Variants in SUGCT observed in about 807,000 individuals in gnomAD.
SUGCT encodes succinyl-CoA:glutarate CoA-transferase.
SUGCT carries 41 observed loss-of-function variants against 55.0 expected under a neutral mutation model. The ratio of observed to expected loss-of-function variants is 0.74; its 90% CI spans 0.58 to 0.97. The LOEUF is 0.97. Ranked by LOEUF, SUGCT falls within the 50% of genes least tolerant of loss-of-function variation. The pLI is 0.00. For synonymous variants in SUGCT, 187 were observed against 200.4 expected (o/e 0.93, Z 0.56); for missense variants, 568 against 547.8 (o/e 1.04, Z -0.37).
At chr7:40,464,085 T>C (rs968814326) in intron 11 of SUGCT, among the ~76,000 whole-genome samples, 5 of 152,162 alleles carry the variant, frequency 3.3e-5, no homozygotes, top group Admixed American at 2.6e-4. Flanking sequence ...GATGTATTAG[T>C]GTTTGGGGAG....
the SUGCT span, among the ~76,000 whole-genome samples, chr7:40,900,445 T>G: frequency 6.6e-6 from 1 of 152,220 alleles, no homozygotes; most frequent in Non-Finnish European, 1.5e-5. Flanking sequence ...ATAAAACACA[T>G]AGTCATTCAA....
chr7:40,859,693 T>A (rs984181372), intron 13 of SUGCT, among the ~76,000 whole-genome samples: 7 of 152,190 alleles, frequency 4.6e-5, no homozygotes, highest in Non-Finnish European at 8.8e-5. Context: ...ACATCCAGAT[T>A]ATGGTGTGAA....
chr7:40,346,745 G>A (rs11772072), intron 9 of SUGCT, among the ~76,000 whole-genome samples: 108,816 of 151,982 alleles, frequency 0.72, 39,355 homozygotes, highest in East Asian at 0.99. Context: ...ATGACGTCAT[G>A]AGGGTGGAGC....
At chr7:40,349,908 G>C (rs1233247203) in intron 9 of SUGCT, among the ~76,000 whole-genome samples, 1 of 152,130 alleles carries the variant, frequency 6.6e-6, no homozygotes, top group African/African-American at 2.4e-5. Flanking sequence ...GTCTGGTCTT[G>C]AACTTTTGAG....
chr7:40,222,545 T>G (rs1788075165), intron 6 of SUGCT, among the ~76,000 whole-genome samples: 1 of 152,202 alleles, frequency 6.6e-6, no homozygotes, highest in African/African-American at 2.4e-5. Flanking sequence ...TACTCAGATA[T>G]TTCTCAAATC....
intron 12 of SUGCT, among the ~76,000 whole-genome samples, chr7:40,508,773 C>T (rs1792756765): frequency 6.6e-6 from 1 of 152,110 alleles, no homozygotes; most frequent in Non-Finnish European, 1.5e-5. Context: ...TTCAAAAGTC[C>T]TGTCCTGCAC....
At chr7:40,632,892 A>T (rs983509891) in intron 12 of SUGCT, among the ~76,000 whole-genome samples, 1 of 152,198 alleles carries the variant, frequency 6.6e-6, no homozygotes, top group Non-Finnish European at 1.5e-5. Flanking sequence ...TGTACATTTC[A>T]TGAGTCTGGA....
At chr7:40,494,702 C>T (rs1562816473) in intron 11 of SUGCT, among the ~76,000 whole-genome samples, 1 of 151,972 alleles carries the variant, frequency 6.6e-6, no homozygotes, top group South Asian at 2.1e-4. Context: ...TGATTAGACT[C>T]CTAGTGAAAT....
the SUGCT span, among the ~76,000 whole-genome samples, chr7:41,017,916 G>T: frequency 6.6e-6 from 1 of 151,800 alleles, no homozygotes; most frequent in Non-Finnish European, 1.5e-5. Flanking sequence ...ACCCAGAATT[G>T]CATTAATTTG....
chr7:40,607,355 A>G (rs972955750), intron 12 of SUGCT, among the ~76,000 whole-genome samples: 1 of 152,068 alleles, frequency 6.6e-6, no homozygotes, highest in Non-Finnish European at 1.5e-5. Flanking sequence ...TCTCTCACCT[A>G]GGCCTCCCAA....
intron 1 of SUGCT, among the ~76,000 whole-genome samples, chr7:40,156,511 A>G (rs536950831): frequency 6.6e-6 from 1 of 152,144 alleles, no homozygotes; most frequent in South Asian, 2.1e-4. Flanking sequence ...CTACACTTGG[A>G]AGCCCAATAT....
chr7:40,967,881 A>G, the SUGCT span, among the ~76,000 whole-genome samples: 1 of 152,214 alleles, frequency 6.6e-6, no homozygotes, highest in Non-Finnish European at 1.5e-5. Flanking sequence ...AGAAATACAT[A>G]CAATAACCAC....
chr7:40,729,892 A>G (rs1786806346), intron 12 of SUGCT, among the ~76,000 whole-genome samples: 1 of 152,156 alleles, frequency 6.6e-6, no homozygotes, highest in African/African-American at 2.4e-5. Flanking sequence ...TTTTCATGGA[A>G]ATTCATAAAT....
intron 9 of SUGCT, among the ~76,000 whole-genome samples, chr7:40,448,360 G>GA (rs949612496): frequency 6.6e-6 from 1 of 151,426 alleles, no homozygotes; most frequent in Non-Finnish European, 1.5e-5. Context: ...GCCCTACAGG[G>GA]AAAAAATGAA....
At chr7:40,740,498 G>A (rs895725458) in intron 12 of SUGCT, among the ~76,000 whole-genome samples, 14 of 150,580 alleles carry the variant, frequency 9.3e-5, no homozygotes, top group African/African-American at 3.4e-4. Context: ...AATAAGAGTG[G>A]TGGGAGCAGA....
At chr7:40,982,387 TTTAGGG>T in the SUGCT span, among the ~76,000 whole-genome samples, 1 of 152,104 alleles carries the variant, frequency 6.6e-6, no homozygotes, top group Non-Finnish European at 1.5e-5. Context: ...TTACTGGACT[TTTAGGG>T]TTAGGGTTAG....
chr7:40,424,423 A>G (rs2151376853), intron 9 of SUGCT, among the ~76,000 whole-genome samples: 1 of 152,242 alleles, frequency 6.6e-6, no homozygotes, highest in East Asian at 1.9e-4. Context: ...TAAGAATCCT[A>G]GGTATCTATT....
chr7:40,144,068 A>G (rs1439576450), intron 1 of SUGCT, among the ~76,000 whole-genome samples: 2 of 151,970 alleles, frequency 1.3e-5, no homozygotes, highest in Admixed American at 1.3e-4. Flanking sequence ...AAACTACGGC[A>G]TAAAAGCTCT....
the SUGCT span, among the ~76,000 whole-genome samples, chr7:40,963,460 A>G: frequency 6.6e-6 from 1 of 152,222 alleles, no homozygotes; most frequent in Non-Finnish European, 1.5e-5. Context: ...CTCTGCTTTT[A>G]GGAATGAAAT....
Sources: allele counts gnomAD v4.1 joint callset (sites outside exome capture counted in the v4.1 genomes callset), GRCh38; gene constraint gnomAD v4.1.1; transcripts MANE v1.5; gene names NCBI Gene and HGNC (gene_info 2026-07-23, HGNC 2026-07-21).